The following KIAA1755 variants were observed in gnomAD, a reference collection of about 807,000 sequenced individuals.
KIAA1755 encodes uncharacterized protein KIAA1755.
Under a neutral mutation model 91.7 loss-of-function variants are expected in KIAA1755, and 68 were observed. The ratio of observed to expected loss-of-function variants is 0.74; its 90% CI spans 0.61 to 0.91. The LOEUF (loss-of-function observed/expected upper bound fraction) is 0.91, where lower values mean the gene tolerates loss of function less well. KIAA1755 is among the 40% of genes least tolerant of loss of function. The pLI is 0.00. For synonymous variants in KIAA1755, 610 were observed against 604.6 expected, an observed-to-expected ratio of 1.01 and a Z score of -0.13; for missense variants, 1,535 against 1,494.4, an observed-to-expected ratio of 1.03 and a Z score of -0.45.
chr20:38,225,001 A>T (rs116611119), intron 8 of KIAA1755, among the ~76,000 whole-genome samples: 8,968 of 152,002 alleles, frequency 0.059, 465 homozygotes, highest in African/African-American at 0.13. Context: ...TTTTATTTTA[A>T]GATTCTTTTT....
intron 1 of KIAA1755, among the ~76,000 whole-genome samples, chr20:38,256,433 T>G (rs1435601609): frequency 1.3e-5 from 2 of 152,274 alleles, no homozygotes. Context: ...ATATTCTAAT[T>G]TGTTATTGGC....
Position 38,241,725 on chromosome 20 carries a change from C to G in KIAA1755, c.406G>C (p.Val136Leu), listed in dbSNP as rs371430211. Residue 136 changes from valine (V) to leucine (L), a missense_variant, in exon 3 of 14, where the codon GTT (valine) becomes CTT (leucine). Physicochemically the swap from Val to Leu is conservative, Grantham distance 32. Coordinates refer to ENST00000279024, the MANE Select transcript of KIAA1755 (RefSeq NM_001029864.2). ...AGTATAGGGTAGGCTGGCTCTGGAA[C>G]AGGCTTCTTGTCCACTGTGCAGAGG... ...LDLCTVDKKP[V>L]PEPAYPILFT... is the part of the protein sequence containing the mutation. The G allele has an allele frequency of 1.2e-6, 2 of 1,614,114 alleles. No homozygotes were observed. Among genetic ancestry groups the G allele is most frequent in the African/African-American group, 2.7e-5 (2 of 74,934 alleles).
chr20:38,227,098 C>A (rs1411097270), intron 7 of KIAA1755, 56 bp downstream of exon 7: 29 of 1,357,496 alleles, frequency 2.1e-5, no homozygotes, highest in East Asian at 7.0e-5. Flanking sequence ...TTAACCCCAG[C>A]TCAGCTCGAG....
intron 11 of KIAA1755, 59 bp downstream of exon 11, chr20:38,219,571 T>C (rs562074152): frequency 1.9e-6 from 3 of 1,603,094 alleles, no homozygotes; most frequent in Middle Eastern, 1.7e-4. Flanking sequence ...GAGTCGGGGC[T>C]TTCCTGTGGA....
chr20:38,253,211 G>A (rs572464155), intron 1 of KIAA1755, among the ~76,000 whole-genome samples: 6 of 152,178 alleles, frequency 3.9e-5, no homozygotes, highest in African/African-American at 1.4e-4. Context: ...AACCAGGCCC[G>A]CACTGCTGGC....
At chr20:38,260,233 G>C (rs2076422575) in intron 1 of KIAA1755, 1 of 1,525,038 alleles carries the variant, frequency 6.6e-7, no homozygotes, top group Admixed American at 2.1e-5. Flanking sequence ...AGGTCTAGGG[G>C]TTGGGGAATA....
At chr20:38,215,231 C>T (rs1220156188) in intron 13 of KIAA1755, among the ~76,000 whole-genome samples, 1 of 152,230 alleles carries the variant, frequency 6.6e-6, no homozygotes, top group African/African-American at 2.4e-5. Flanking sequence ...ACAGGGCCAG[C>T]CCAGTTCCAA....
rs139229061 is a variant in KIAA1755 at position 38,248,681 on chromosome 20, T to TTTATTATTATTATTA, written c.4-2570_4-2556dup. ...TTTCTTTTCCTTTTCTTGTCTTCTC[T>TTTATTATTATTATTA]TTATTATTATTATTATTATTATTAT... On this transcript the variant is annotated intron_variant, in intron 1 of 13. Transcript: ENST00000279024. Among the ~76,000 whole-genome samples, 433 of 144,834 alleles carry TTTATTATTATTATTA rather than the reference T, an allele frequency of 3.0e-3. 3 individuals carry two copies. Among genetic ancestry groups the TTTATTATTATTATTA allele is most frequent in the East Asian group, 0.027 (136 of 4,968 alleles).
intron 4 of KIAA1755, among the ~76,000 whole-genome samples, chr20:38,235,796 C>T (rs925142576): frequency 3.9e-5 from 6 of 152,220 alleles, no homozygotes; most frequent in South Asian, 4.1e-4. Context: ...ATGGGAAACA[C>T]AGTGCCTATT....
intron 4 of KIAA1755, among the ~76,000 whole-genome samples, chr20:38,235,260 A>G (rs930734760): frequency 6.6e-6 from 1 of 152,174 alleles, no homozygotes; most frequent in African/African-American, 2.4e-5. Context: ...GGCTCTGTTC[A>G]TTCTCTTCTG....
At chr20:38,253,252 G>C (rs1259010650) in intron 1 of KIAA1755, among the ~76,000 whole-genome samples, 1 of 152,208 alleles carries the variant, frequency 6.6e-6, no homozygotes, top group Non-Finnish European at 1.5e-5. Flanking sequence ...CTTCTGGACT[G>C]ACCCAGGGAA....
chr20:38,213,158 G>C lies in KIAA1755; in HGVS notation c.3487C>G (p.Pro1163Ala), dbSNP rs1208424663. The C allele has an allele frequency of 1.2e-6, 2 of 1,613,652 alleles. No homozygotes were observed. Among genetic ancestry groups the C allele is most frequent in the Non-Finnish European group, 1.7e-6 (2 of 1,179,864 alleles). The change falls in exon 14 of 14, where the codon CCC (proline) becomes GCC (alanine). Residue 1163 changes from proline to alanine, a missense_variant. Coordinates refer to ENST00000279024, the MANE Select transcript of KIAA1755 (RefSeq NM_001029864.2). ...CGAGGGACCTGGCTCTGCCTGGGGG[G>C]CTGCTGCCGGAAGAAGGTGGTGGCA... ...LLATTFFRQQPPRQSQVPRLT... is the reference protein window; with the variant it reads ...LLATTFFRQQAPRQSQVPRLT...
Position 38,241,475 on chromosome 20 carries a change from T to C in KIAA1755, c.656A>G (p.Gln219Arg), listed in dbSNP as rs1330164770. The change falls in exon 3 of 14, where the codon CAG (glutamine) becomes CGG (arginine). Residue 219 changes from glutamine (Q) to arginine (R), a missense_variant. Coordinates refer to ENST00000279024, the MANE Select transcript of KIAA1755 (RefSeq NM_001029864.2). Reference sequence around the variant, plus strand: ...CACCTGGTTGTCTGGGGAGCTGGCCTGGTGCAACTCTTGAGGGCTGCTCAA... The same window carrying C: ...CACCTGGTTGTCTGGGGAGCTGGCCCGGTGCAACTCTTGAGGGCTGCTCAA... Reference protein sequence around the residue: ...LDLSSPQELHQASSPDNQVLP... With the variant: ...LDLSSPQELHRASSPDNQVLP... 3.7e-6 allele frequency: 6 copies of C among 1,614,138 alleles called. No homozygotes were observed. The African/African-American group carries it at 6.7e-5, about 18-fold the overall frequency.
At chr20:38,217,220 G>A (rs368530369) in intron 13 of KIAA1755, 33 bp downstream of exon 13, 20 of 1,548,194 alleles carry the variant, frequency 1.3e-5, no homozygotes, top group Admixed American at 3.9e-5. Flanking sequence ...AGGGGATCGG[G>A]GGGTATCTGT....
Position 38,217,429 on chromosome 20 carries a change from G to T in KIAA1755, c.2725C>A (p.Leu909Met). The T allele has an allele frequency of 6.2e-7, 1 of 1,612,784 alleles. No individual in the cohort carries two copies. Among genetic ancestry groups the T allele is most frequent in the Non-Finnish European group, 8.5e-7 (1 of 1,179,586 alleles). ...GLELSKQAAQLGATARGAGEA... is the reference protein window; with the variant it reads ...GLELSKQAAQMGATARGAGEA... ...CCAGCCCCTCTGGCTGTAGCTCCCA[G>T]CTGAGCGGCCTGCTTGGACAGCTCC... The change falls in exon 13 of 14, where the codon CTG (leucine) becomes ATG (methionine). Residue 909 changes from leucine to methionine, a missense_variant. Transcript: ENST00000279024.
intron 13 of KIAA1755, among the ~76,000 whole-genome samples, chr20:38,213,973 A>T (rs1347403496): frequency 4.9e-5 from 7 of 143,838 alleles, no homozygotes; most frequent in Admixed American, 4.2e-4. Flanking sequence ...TTTTTTTGAG[A>T]TGGAGTCTCG....
chr20:38,228,209 G>A lies in KIAA1755; in HGVS notation c.1903C>T (p.Leu635=), dbSNP rs1213542585. The A allele has an allele frequency of 1.9e-6, 3 of 1,603,246 alleles. No individual in the cohort carries two copies. The highest frequency in any genetic ancestry group is 2.6e-6 in the Non-Finnish European group (3 of 1,175,516). The change falls in exon 6 of 14, where the codon CTG becomes TTG. Residue 635 remains leucine, a synonymous_variant. Transcript: ENST00000279024. ...GGGGGCTGTCTCCTGGCGTCAATCAGGACCGCCAGCCCCTTGGCTTTATCT... is the reference window on the plus strand; with the variant it reads ...GGGGGCTGTCTCCTGGCGTCAATCAAGACCGCCAGCCCCTTGGCTTTATCT... ...PEDKAKGLAV[L]IDARRQPPQP...
intron 1 of KIAA1755, among the ~76,000 whole-genome samples, chr20:38,256,190 C>T (rs1299929371): frequency 3.9e-5 from 6 of 152,174 alleles, no homozygotes; most frequent in Admixed American, 2.0e-4. Context: ...CGCCAGGCTC[C>T]TCTTAGTCAT....
At chr20:38,257,900 CT>C (rs538588264) in intron 1 of KIAA1755, among the ~76,000 whole-genome samples, 783 of 142,018 alleles carry the variant, frequency 5.5e-3, no homozygotes, top group South Asian at 7.5e-3. Context: ...TTTATAGTTA[CT>C]TTTTTTTTTT....
Sources: gnomAD v4.1 joint callset for allele counts (sites outside exome capture counted in the v4.1 genomes callset) on GRCh38, gnomAD v4.1.1 for gene constraint, MANE v1.5 for transcripts, NCBI Gene and HGNC (gene_info 2026-07-23, HGNC 2026-07-21) for gene names.